Variants in CORO2B observed in about 807,000 individuals in gnomAD.
CORO2B encodes the protein coronin-2B.
A neutral mutation model predicts 58.8 loss-of-function variants in CORO2B; 26 were observed. That is an observed-to-expected ratio of 0.44 (90% confidence interval 0.32 to 0.61). The LOEUF (loss-of-function observed/expected upper bound fraction) is 0.61, where lower values mean the gene tolerates loss of function less well. Ranked by LOEUF, CORO2B falls within the 20% of genes least tolerant of loss-of-function variation. CORO2B has a pLI of 0.04. For synonymous variants in CORO2B, 242 were observed against 253.8 expected (o/e 0.95, Z 0.44); for missense variants, 460 against 645.1 (o/e 0.71, Z 3.11).
At chr15:68,662,188 C>T (rs933959853) in intron 2 of CORO2B, among the ~76,000 whole-genome samples, 1 of 152,132 alleles carries the variant, frequency 6.6e-6, no homozygotes, top group Non-Finnish European at 1.5e-5. Context: ...AATGATCAAA[C>T]CACCCTTTGC....
intron 3 of CORO2B, among the ~76,000 whole-genome samples, chr15:68,702,338 C>T (rs745350124): frequency 2.2e-4 from 34 of 152,214 alleles, no homozygotes; most frequent in Non-Finnish European, 3.4e-4. Context: ...ATGCATCCAG[C>T]GCCACAACGA....
At chr15:68,709,546 G>T (rs971956512) in intron 3 of CORO2B, among the ~76,000 whole-genome samples, 1 of 144,876 alleles carries the variant, frequency 6.9e-6, no homozygotes, top group Non-Finnish European at 1.5e-5. Context: ...TAACCTCCGC[G>T]CCTGGCCTCA....
chr15:68,717,986 A>G (rs1352833), intron 8 of CORO2B, among the ~76,000 whole-genome samples: 126,013 of 152,150 alleles, frequency 0.83, 55,354 homozygotes, highest in Non-Finnish European at 0.96. Context: ...AGAGAGTTGT[A>G]ACTTGCCAAA....
intron 2 of CORO2B, among the ~76,000 whole-genome samples, chr15:68,651,327 G>T (rs1454300450): frequency 6.6e-6 from 1 of 152,246 alleles, no homozygotes. Flanking sequence ...TGCAGGGGGT[G>T]CGGGGAGAGG....
intron 2 of CORO2B, among the ~76,000 whole-genome samples, chr15:68,690,843 T>C (rs1596016825): frequency 6.6e-6 from 1 of 151,550 alleles, no homozygotes; most frequent in East Asian, 2.0e-4. Flanking sequence ...TTTGTAAAGG[T>C]GGAATTTTGC....
the CORO2B span, among the ~76,000 whole-genome samples, chr15:68,530,514 C>T: frequency 6.6e-6 from 1 of 152,020 alleles, no homozygotes; most frequent in South Asian, 2.1e-4. Context: ...TCTTCTTCAT[C>T]TTTGTTGATT....
intron 1 of CORO2B, among the ~76,000 whole-genome samples, chr15:68,587,514 T>A (rs1899598237): frequency 6.6e-6 from 1 of 152,186 alleles, no homozygotes; most frequent in African/African-American, 2.4e-5. Context: ...AATATCACAA[T>A]GATTCCTAAT....
At chr15:68,583,413 A>T (rs1899477549) in intron 1 of CORO2B, among the ~76,000 whole-genome samples, 1 of 152,168 alleles carries the variant, frequency 6.6e-6, no homozygotes, top group African/African-American at 2.4e-5. Context: ...GTCCTGACTC[A>T]TGGTCAGTGC....
chr15:68,566,405 G>A, the CORO2B span, among the ~76,000 whole-genome samples: 6 of 152,214 alleles, frequency 3.9e-5, no homozygotes, highest in South Asian at 8.3e-4. Flanking sequence ...TTATCTTCCC[G>A]ATCACCACCC....
chr15:68,578,371 C>T (rs1452014752), upstream of CORO2B, among the ~76,000 whole-genome samples: 1 of 152,214 alleles, frequency 6.6e-6, no homozygotes, highest in Non-Finnish European at 1.5e-5. This position sits in a 1 kb window ranked among gnomAD's most constrained non-coding sequence, Gnocchi z 4.2. Flanking sequence ...TTCCCACGTC[C>T]GTCCCACTCT....
At chr15:68,526,217 G>A in the CORO2B span, among the ~76,000 whole-genome samples, 1 of 152,018 alleles carries the variant, frequency 6.6e-6, no homozygotes, top group Non-Finnish European at 1.5e-5. Context: ...TTTTTATTAA[G>A]ATGTTATGAA....
At position 68,606,293 on chromosome 15, in the gene CORO2B, G is replaced by A. The variant is rs78445174; in HGVS notation, c.15+27016G>A. ...CTCAGGCAAAGGGAGTTAGGGTGGT[G>A]GGGCTTAGCCAAGCAAGCATATTAG... On this transcript the variant is annotated intron_variant, in intron 1 of 11. Transcript: ENST00000261861. Among the ~76,000 whole-genome samples, 1,167 of 152,264 alleles carry A rather than the reference G, an allele frequency of 7.7e-3. 14 individuals carry two copies. The highest frequency in any genetic ancestry group is 0.027 in the African/African-American group (1,104 of 41,530).
intron 2 of CORO2B, among the ~76,000 whole-genome samples, chr15:68,676,226 A>G (rs1902581313): frequency 1.3e-5 from 2 of 152,198 alleles, no homozygotes; most frequent in Non-Finnish European, 2.9e-5. Context: ...CAATCAGTTT[A>G]GCGTGTGTGT....
chr15:68,724,919 A>G (rs902274071), intron 11 of CORO2B, among the ~76,000 whole-genome samples: 6 of 152,106 alleles, frequency 3.9e-5, no homozygotes, highest in Non-Finnish European at 7.4e-5. Context: ...CATTGGGGTG[A>G]AGATCTGCCA....
At chr15:68,606,827 G>A (rs1483435379) in intron 1 of CORO2B, among the ~76,000 whole-genome samples, 1 of 152,138 alleles carries the variant, frequency 6.6e-6, no homozygotes, top group Non-Finnish European at 1.5e-5. Context: ...TCTTGAGCAT[G>A]GAGGGGTGGA....
chr15:68,555,499 G>T, the CORO2B span, among the ~76,000 whole-genome samples: 1 of 152,218 alleles, frequency 6.6e-6, no homozygotes, highest in Non-Finnish European at 1.5e-5. Context: ...GGGCAGGGGG[G>T]AGAGAAGGCT....
chr15:68,652,459 C>CTCCA (rs1426430205), intron 2 of CORO2B, among the ~76,000 whole-genome samples: 3 of 152,222 alleles, frequency 2.0e-5, no homozygotes, highest in Admixed American at 1.3e-4. Context: ...TGCCTGCCAC[C>CTCCA]TCCAGATCCA....
At chr15:68,550,979 G>A in the CORO2B span, among the ~76,000 whole-genome samples, 1 of 152,076 alleles carries the variant, frequency 6.6e-6, no homozygotes, top group African/African-American at 2.4e-5. Flanking sequence ...CCACCCCCAG[G>A]ATGGGCGTGG....
At chr15:68,673,858 A>C in intron 2 of CORO2B, among the ~76,000 whole-genome samples, 1 of 124,200 alleles carries the variant, frequency 8.1e-6, no homozygotes, top group South Asian at 2.8e-4. Flanking sequence ...AAAAAAAAAA[A>C]GGACAGTGTC....
Sources: gnomAD v4.1 joint callset for allele counts (sites outside exome capture counted in the v4.1 genomes callset) on GRCh38, gnomAD v4.1.1 for gene constraint, Gnocchi (gnomAD v3.1) non-coding constraint, MANE v1.5 for transcripts, NCBI Gene and HGNC (gene_info 2026-07-23, HGNC 2026-07-21) for gene names.